The following R3HDML variants were observed in gnomAD, a reference collection of about 807,000 sequenced individuals.
The protein encoded by R3HDML is R3H domain containing like, also known as peptidase inhibitor R3HDML.
In R3HDML, 21 loss-of-function variants were observed where a neutral mutation model predicts 24.2. That is an observed-to-expected ratio of 0.87 (90% CI 0.62 to 1.25). R3HDML has a LOEUF of 1.25. R3HDML is among the 50% of genes most tolerant of loss of function. The probability of loss-of-function intolerance (pLI) is 0.00; values close to 1 mark genes in which losing one functional copy is unlikely to be tolerated. For missense variants in R3HDML, 301 were observed against 340.3 expected (o/e 0.88, Z 0.91); for synonymous variants, 133 against 131.5 (o/e 1.01, Z -0.08).
intron 4 of R3HDML, among the ~76,000 whole-genome samples, chr20:44,345,965 G>A (rs1437363043): frequency 5.9e-5 from 9 of 152,032 alleles, no homozygotes; most frequent in East Asian, 1.9e-4. Context: ...GATTACAGGC[G>A]TCTGCCACCA....
chr20:44,343,267 G>A, intron 2 of R3HDML, 110 bp from the exon 3 acceptor site: 5 of 1,359,160 alleles, frequency 3.7e-6, no homozygotes, highest in Non-Finnish European at 5.2e-6. Flanking sequence ...ATAGGAAACT[G>A]AGATGGGGGA....
intron 2 of R3HDML, among the ~76,000 whole-genome samples, chr20:44,342,596 C>A (rs2062775133): frequency 6.6e-6 from 1 of 152,194 alleles, no homozygotes; most frequent in Admixed American, 6.5e-5. Context: ...GATTTTCTCC[C>A]TCTTTAGTCA....
intron 4 of R3HDML, 55 bp from the exon 5 acceptor site, chr20:44,350,605 G>A: frequency 1.3e-6 from 2 of 1,572,560 alleles, no homozygotes; most frequent in Non-Finnish European, 1.7e-6. Flanking sequence ...GGACATCTGT[G>A]TGAAGGTTAC....
intron 1 of R3HDML, 30 bp from the exon 2 acceptor site, chr20:44,341,166 T>C: frequency 1.9e-6 from 3 of 1,559,274 alleles, no homozygotes; most frequent in Non-Finnish European, 2.6e-6. Context: ...GCAATTCCCC[T>C]GGGGAATTTC....
intron 2 of R3HDML, among the ~76,000 whole-genome samples, chr20:44,341,649 C>T (rs1398675000): frequency 2.6e-5 from 4 of 152,174 alleles, no homozygotes; most frequent in African/African-American, 9.7e-5. Flanking sequence ...CTTTGGGAGG[C>T]TGAGGTGGGC....
chr20:44,350,738 C>T lies in R3HDML; in HGVS notation c.708C>T (p.Cys236=), dbSNP rs1600605380. The T allele has an allele frequency of 6.2e-7, 1 of 1,614,120 alleles. No homozygotes were observed. ...SSCPPSYQGS[C]NSNMCFKGLK... is the part of the protein sequence containing the mutation. ...GTCCCCCCAGTTATCAAGGCAGCTG[C>T]AATAGCAACATGTGCTTCAAGGGGC... The change falls in exon 5 of 5, where the codon TGC becomes TGT. Residue 236 remains cysteine (C), a synonymous_variant. Coordinates refer to ENST00000217043, the MANE Select transcript of R3HDML (RefSeq NM_178491.4).
rs2062761475 is a variant in R3HDML at position 44,337,666 on chromosome 20, C to CA, written c.261+249dup. Among the ~76,000 whole-genome samples the CA allele has an allele frequency of 6.6e-6, 1 of 152,204 alleles. No individual in the cohort carries two copies. The highest frequency in any genetic ancestry group is 1.5e-5 in the Non-Finnish European group (1 of 68,042). On this transcript the variant is annotated intron_variant, in intron 1 of 4. Transcript: ENST00000217043. This position sits in a 1 kb window ranked among gnomAD's most constrained non-coding sequence, Gnocchi z 4.7. ...AGGCATGTGACTACTATGTAAGGAG[C>CA]ACCACTGTGCGCCAGGCACTGCACG...
intron 1 of R3HDML, among the ~76,000 whole-genome samples, chr20:44,340,973 A>G (rs1237931603): frequency 6.6e-6 from 1 of 152,218 alleles, no homozygotes; most frequent in Middle Eastern, 3.2e-3. Context: ...CCAAGCTCAG[A>G]GTCAAGAGAT....
chr20:44,348,476 C>CTCTTTCT (rs2062796183), intron 4 of R3HDML, among the ~76,000 whole-genome samples: 1 of 75,990 alleles, frequency 1.3e-5, no homozygotes, highest in Non-Finnish European at 3.5e-5. Flanking sequence ...TTCTCCTTTT[C>CTCTTTCT]CCTTTCTCCT....
At position 44,337,309 on chromosome 20, in the gene R3HDML, G is replaced by A. The variant is rs2146106391; in HGVS notation, c.152G>A (p.Arg51Lys). The change falls in exon 1 of 5, where the codon AGG becomes AAG. Residue 51 changes from arginine to lysine, a missense_variant. Arg to Lys is a conservative substitution (Grantham distance 26). Coordinates refer to ENST00000217043, the MANE Select transcript of R3HDML (RefSeq NM_178491.4). This position sits in a 1 kb window ranked among gnomAD's most constrained non-coding sequence, Gnocchi z 4.7. Reference sequence around the variant, plus strand: ...CTCCTGAGTGGCCTGGAGGTGCCCAGGTACCGCCGGAAGCGCCACATCTCT... The same window carrying A: ...CTCCTGAGTGGCCTGGAGGTGCCCAAGTACCGCCGGAAGCGCCACATCTCT... ...MRLLSGLEVP[R>K]YRRKRHISVR... The A allele has an allele frequency of 1.2e-6, 2 of 1,614,194 alleles. No homozygotes were observed. The highest frequency in any genetic ancestry group is 1.1e-5 in the South Asian group (1 of 91,088).
chr20:44,339,579 A>ATATGTGTG (rs1555804233), intron 1 of R3HDML, among the ~76,000 whole-genome samples: 1 of 147,914 alleles, frequency 6.8e-6, no homozygotes, highest in Non-Finnish European at 1.5e-5. Context: ...GCCTATATAT[A>ATATGTGTG]TGTGTGTGTG....
rs773258667 is a variant in R3HDML, at chr20:44,337,217, A to T, written c.60A>T (p.Ala20=). 1.2e-6 allele frequency: 2 copies of T among 1,613,816 alleles called. No homozygotes were observed. Among genetic ancestry groups the T allele is most frequent in the Non-Finnish European group, 1.7e-6 (2 of 1,179,996 alleles). The change falls in exon 1 of 5, where the codon GCA becomes GCT. Residue 20 remains alanine (A), a synonymous_variant. Transcript: ENST00000217043. The surrounding 1 kb of genome is among the most constrained non-coding windows in gnomAD (Gnocchi z 4.7). The part of the protein sequence containing the change: ...LAGLLFWAGQ[A]VNALIMPNAT... ...GCCTGCTCTTCTGGGCTGGCCAGGC[A>T]GTGAACGCCTTGATAATGCCTAATG...
In R3HDML at chr20:44,348,727, T is replaced by C. The variant is rs546593092; in HGVS notation, c.630-1933T>C. The stretch of plus-strand genomic sequence containing the variant: ...GGGGGTCTCGCCATGTTGCCCAGGC[T>C]AGTCTGGAACTCCTGGGCTCAAGCA... On this transcript the variant is annotated intron_variant, in intron 4 of 4. Coordinates refer to ENST00000217043, the MANE Select transcript of R3HDML (RefSeq NM_178491.4). Among the ~76,000 whole-genome samples, 5 of 152,186 alleles carry C rather than the reference T, an allele frequency of 3.3e-5. No individual in the cohort carries two copies. The East Asian group carries it at 9.7e-4, about 29-fold the overall frequency.
chr20:44,344,021 G>A lies in R3HDML; in HGVS notation c.513+512G>A, dbSNP rs544407985. Reference sequence around the variant, plus strand: ...GGTGTGGCCATGCAAGGTGGCTCACGCCTGTAATCCCAGCACTTTGGGAGG... The same window carrying A: ...GGTGTGGCCATGCAAGGTGGCTCACACCTGTAATCCCAGCACTTTGGGAGG... On this transcript the variant is annotated intron_variant, in intron 3 of 4. Transcript: ENST00000217043. Among the ~76,000 whole-genome samples the A allele has an allele frequency of 9.2e-5, 14 of 152,212 alleles. No homozygotes were observed. In the South Asian group the frequency reaches 1.5e-3, roughly 16 times the overall value.
In R3HDML at chr20:44,351,046, A is replaced by C. The variant is rs1397005461; in HGVS notation, c.*254A>C. 5.7e-5 allele frequency: 23 copies of C among 402,386 alleles called. No individual in the cohort carries two copies. Among genetic ancestry groups the C allele is most frequent in the Non-Finnish European group, 9.7e-5 (22 of 226,490 alleles). 24.9% of individuals were successfully genotyped at this position (402,386 alleles called of 1,614,324 possible). A position where few individuals can be genotyped will look rare whatever the true frequency, so the allele number is the denominator to read the frequency against. On this transcript the variant is annotated 3_prime_UTR_variant, in exon 5 of 5. Transcript: ENST00000217043. ...GGGAAAGAGCCCTGCATCTTTCATT[A>C]ATTCGGTTCTCAGAGAACCAAGGCT... is the stretch of plus-strand genomic sequence containing the variant.
At position 44,337,746 on chromosome 20, in the gene R3HDML, G is replaced by GCCCGAGGTCA. The variant is rs80255695; in HGVS notation, c.261+331_261+332insGAGGTCACCC. ...AAACTGAGACTCAGAGAATTAATTT[G>GCCCGAGGTCA]CCCAGCCAGGATTTCAATCCAGGTC... On this transcript the variant is annotated intron_variant, in intron 1 of 4. Coordinates refer to ENST00000217043, the MANE Select transcript of R3HDML (RefSeq NM_178491.4). The surrounding 1 kb of genome is among the most constrained non-coding windows in gnomAD (Gnocchi z 4.7). Among the ~76,000 whole-genome samples the GCCCGAGGTCA allele has an allele frequency of 0.4, 60,427 of 151,638 alleles. 12,768 individuals are homozygous for GCCCGAGGTCA. Among genetic ancestry groups the GCCCGAGGTCA allele is most frequent in the Admixed American group, 0.51 (7,748 of 15,204 alleles).
chr20:44,342,299 G>T (rs545813225), intron 2 of R3HDML, among the ~76,000 whole-genome samples: 4 of 152,234 alleles, frequency 2.6e-5, no homozygotes, highest in African/African-American at 9.6e-5. Flanking sequence ...CCCTTCAAGT[G>T]AGCTCAGTGG....
At chr20:44,345,426 G>A (rs776711286) in intron 4 of R3HDML, 48 bp downstream of exon 4, 16 of 1,333,882 alleles carry the variant, frequency 1.2e-5, no homozygotes, top group Non-Finnish European at 1.6e-5. Flanking sequence ...CGGCGGGTGG[G>A]TCCTGAGAAT....
At position 44,337,277 on chromosome 20, in the gene R3HDML, T is replaced by C; in HGVS notation, c.120T>C (p.Ala40=). ...CCCCGGCCCAGCCCGAGAGCACGGCTATGCGGCTCCTGAGTGGCCTGGAGG... is the reference window on the plus strand; with the variant it reads ...CCCCGGCCCAGCCCGAGAGCACGGCCATGCGGCTCCTGAGTGGCCTGGAGG... ...TPAPAQPEST[A]MRLLSGLEVP... Residue 40 remains alanine (A), a synonymous_variant, in exon 1 of 5, where the codon GCT becomes GCC. Coordinates refer to ENST00000217043, the MANE Select transcript of R3HDML (RefSeq NM_178491.4). This position sits in a 1 kb window ranked among gnomAD's most constrained non-coding sequence, Gnocchi z 4.7. 1 of 1,614,192 alleles carries C rather than the reference T, an allele frequency of 6.2e-7. No individual in the cohort carries two copies. The highest frequency in any genetic ancestry group is 2.2e-5 in the East Asian group (1 of 44,894).
Sources: allele counts gnomAD v4.1 joint callset (sites outside exome capture counted in the v4.1 genomes callset), GRCh38; gene constraint gnomAD v4.1.1; non-coding constraint Gnocchi (gnomAD v3.1); transcripts MANE v1.5; gene names NCBI Gene and HGNC (gene_info 2026-07-23, HGNC 2026-07-21).